Variants in KLHDC10 observed in about 807,000 individuals in gnomAD.
KLHDC10 encodes the protein kelch domain containing 10, also known as kelch domain-containing protein 10.
KLHDC10 carries 24 observed loss-of-function variants against 56.1 expected under a neutral mutation model. The observed-to-expected ratio is 0.43, with a 90% CI of 0.31 to 0.60. KLHDC10 has a LOEUF of 0.60. Ranked by LOEUF, KLHDC10 falls within the 20% of genes least tolerant of loss-of-function variation. KLHDC10 has a pLI of 0.11. For missense variants in KLHDC10, 349 were observed against 567.0 expected (o/e 0.62, Z 3.91); for synonymous variants, 188 against 207.1 (o/e 0.91, Z 0.79).
intron 1 of KLHDC10, among the ~76,000 whole-genome samples, chr7:130,090,798 CATATT>C (rs1795761731): frequency 1.0e-5 from 1 of 98,120 alleles, no homozygotes; most frequent in Admixed American, 1.0e-4. Flanking sequence ...GTGTGTGTAT[CATATT>C]CTGTACAATT....
At chr7:130,096,548 C>G (rs968251091) in intron 1 of KLHDC10, among the ~76,000 whole-genome samples, 1 of 152,112 alleles carries the variant, frequency 6.6e-6, no homozygotes, top group South Asian at 2.1e-4. Context: ...CAATTAGTTT[C>G]AGAGCTCCAT....
chr7:130,080,562 A>T (rs922594764), intron 1 of KLHDC10, among the ~76,000 whole-genome samples: 4 of 151,344 alleles, frequency 2.6e-5, no homozygotes, highest in Admixed American at 2.0e-4. Flanking sequence ...CTGGCTAATT[A>T]AAAAAAATTT....
At chr7:130,119,881 A>G (rs1392487177) in intron 3 of KLHDC10, among the ~76,000 whole-genome samples, 1 of 151,370 alleles carries the variant, frequency 6.6e-6, no homozygotes, top group Non-Finnish European at 1.5e-5. Flanking sequence ...GAAATAACAT[A>G]GGAGCACTAT....
At chr7:130,129,033 T>C (rs1231664729) in intron 8 of KLHDC10, among the ~76,000 whole-genome samples, 3 of 151,682 alleles carry the variant, frequency 2.0e-5, no homozygotes, top group African/African-American at 7.3e-5. Flanking sequence ...TTAAGTCTGT[T>C]ATAGGACCGA....
chr7:130,124,136 A>G (rs1796284781), intron 5 of KLHDC10, among the ~76,000 whole-genome samples: 1 of 152,226 alleles, frequency 6.6e-6, no homozygotes, highest in East Asian at 1.9e-4. Context: ...AATGTTTTGG[A>G]TGATATCCTA....
chr7:130,097,577 G>A (rs1221909836), intron 2 of KLHDC10, among the ~76,000 whole-genome samples: 1 of 151,960 alleles, frequency 6.6e-6, no homozygotes, highest in Non-Finnish European at 1.5e-5. Context: ...CAATAATTAT[G>A]AACAAGTATT....
At chr7:130,080,268 T>TC (rs1203331377) in intron 1 of KLHDC10, among the ~76,000 whole-genome samples, 1 of 152,130 alleles carries the variant, frequency 6.6e-6, no homozygotes, top group African/African-American at 2.4e-5. Context: ...ATGCATTTTT[T>TC]CCCCTCTGTG....
chr7:130,100,344 C>T (rs1242852604), intron 2 of KLHDC10, among the ~76,000 whole-genome samples: 1 of 152,160 alleles, frequency 6.6e-6, no homozygotes, highest in African/African-American at 2.4e-5. Context: ...TATATCATAG[C>T]ACTTATTGCA....
chr7:130,107,713 G>A (rs917554831), intron 2 of KLHDC10, among the ~76,000 whole-genome samples: 1 of 151,582 alleles, frequency 6.6e-6, no homozygotes, highest in African/African-American at 2.4e-5. Flanking sequence ...GCGTCGTGGT[G>A]CACGCCTGTA....
chr7:130,101,750 C>T (rs1399827197), intron 2 of KLHDC10, among the ~76,000 whole-genome samples: 1 of 151,962 alleles, frequency 6.6e-6, no homozygotes, highest in East Asian at 1.9e-4. Flanking sequence ...GTGGGCAGAT[C>T]ACGAGGTCAG....
intron 2 of KLHDC10, among the ~76,000 whole-genome samples, chr7:130,106,501 A>T (rs13239984): frequency 0.2 from 30,416 of 152,180 alleles, 3,639 homozygotes; most frequent in Non-Finnish European, 0.26. Flanking sequence ...AGAAATCAAG[A>T]TCAAATGGAC....
intron 3 of KLHDC10, among the ~76,000 whole-genome samples, chr7:130,119,735 T>G (rs1399870482): frequency 6.7e-6 from 1 of 149,738 alleles, no homozygotes; most frequent in East Asian, 2.0e-4. Context: ...TCCCAGCTAC[T>G]AGGGAGGCTG....
At chr7:130,091,621 G>A (rs1795774280) in intron 1 of KLHDC10, among the ~76,000 whole-genome samples, 1 of 151,992 alleles carries the variant, frequency 6.6e-6, no homozygotes, top group African/African-American at 2.4e-5. Flanking sequence ...ATCTGAATAA[G>A]ACAGATACTT....
At chr7:130,073,441 C>T (rs557315918) in intron 1 of KLHDC10, among the ~76,000 whole-genome samples, 5 of 151,840 alleles carry the variant, frequency 3.3e-5, no homozygotes, top group African/African-American at 7.2e-5. Context: ...ATTAGAGGTG[C>T]GGGCCACCAC....
rs1399484934 is a variant in KLHDC10 at position 130,127,401 on chromosome 7, C to T, written c.932-3C>T. Reference sequence around the variant, plus strand: ...GGAACTTCTGTGTTTGTGTGTTTGGCAGGCTTTCCTGCAGCCCGAAGGTGT... The same window carrying T: ...GGAACTTCTGTGTTTGTGTGTTTGGTAGGCTTTCCTGCAGCCCGAAGGTGT... On this transcript the variant is annotated splice_region_variant and splice_polypyrimidine_tract_variant and intron_variant, in intron 7 of 9. Transcript: ENST00000335420. 6.2e-7 allele frequency: 1 copy of T among 1,612,826 alleles called. No individual in the cohort carries two copies. Among genetic ancestry groups the T allele is most frequent in the Admixed American group, 1.7e-5 (1 of 59,998 alleles).
chr7:130,070,772 C>A lies in KLHDC10; in HGVS notation c.129C>A (p.Asn43Lys). 7.6e-7 allele frequency: 1 copy of A among 1,308,066 alleles called. No individual in the cohort carries two copies. The highest frequency in any genetic ancestry group is 9.7e-7 in the Non-Finnish European group (1 of 1,026,312). 81.0% of individuals were successfully genotyped at this position (1,308,066 alleles called of 1,614,324 possible). A position where few individuals can be genotyped will look rare whatever the true frequency, so the allele number is the denominator to read the frequency against. The change falls in exon 1 of 10, where the codon AAC becomes AAA. Residue 43 changes from asparagine (N) to lysine (K), a missense_variant. Physicochemically the swap from Asn to Lys is moderately conservative, Grantham distance 94. This residue lies in a region of KLHDC10 where 104 missense variants were observed against 97.0 expected (regional missense o/e 1.07). Transcript: ENST00000335420. ...GSGGRGTGQLNRFVQLSGRPH... is the reference protein window; with the variant it reads ...GSGGRGTGQLKRFVQLSGRPH... ...GGGGTCGGGGGACTGGCCAGCTCAA[C>A]CGCTTCGTGCAACTCTCCGGGCGGC...
At chr7:130,090,767 C>CGTGTGTGTGT (rs57061414) in intron 1 of KLHDC10, among the ~76,000 whole-genome samples, 2,508 of 148,234 alleles carry the variant, frequency 0.017, 27 homozygotes, top group Non-Finnish European at 0.023. Context: ...TACACATACT[C>CGTGTGTGTGT]GTGTGTGTGT....
intron 2 of KLHDC10, among the ~76,000 whole-genome samples, chr7:130,104,872 C>T (rs1795987845): frequency 6.6e-6 from 1 of 152,158 alleles, no homozygotes; most frequent in African/African-American, 2.4e-5. Flanking sequence ...GATCCAGTCA[C>T]CTCCCACCAT....
chr7:130,075,737 T>G (rs1360692911), intron 1 of KLHDC10, among the ~76,000 whole-genome samples: 1 of 152,208 alleles, frequency 6.6e-6, no homozygotes, highest in African/African-American at 2.4e-5. Flanking sequence ...TTTTGATAGA[T>G]TCTGTCAAAT....
Sources: allele counts gnomAD v4.1 joint callset (sites outside exome capture counted in the v4.1 genomes callset), GRCh38; gene constraint gnomAD v4.1.1; regional missense constraint gnomAD v4.1.1; transcripts MANE v1.5; gene names NCBI Gene and HGNC (gene_info 2026-07-23, HGNC 2026-07-21).